The following PTER variants were observed in gnomAD, a reference collection of about 807,000 sequenced individuals.
PTER encodes phosphotriesterase related, also known as N-acetyltaurine hydrolase.
PTER carries 38 observed loss-of-function variants against 29.6 expected under a neutral mutation model. That is an observed-to-expected ratio of 1.28 (90% CI 0.99 to 1.68). The LOEUF (loss-of-function observed/expected upper bound fraction) is 1.68. Among genes scored for constraint, PTER ranks in the 40% most tolerant of loss-of-function variants. PTER has a pLI of 0.00. For synonymous variants in PTER, 172 were observed against 154.5 expected (o/e 1.11, Z -0.84); for missense variants, 482 against 427.8 (o/e 1.13, Z -1.12).
intron 1 of PTER, among the ~76,000 whole-genome samples, chr10:16,463,167 T>A (rs1588596413): frequency 7.9e-6 from 1 of 126,542 alleles, no homozygotes; most frequent in Non-Finnish European, 1.6e-5. Flanking sequence ...CACTCCATAC[T>A]CCAGCCTGGG....
chr10:16,467,092 A>G (rs1382345639), intron 1 of PTER, among the ~76,000 whole-genome samples: 2 of 152,080 alleles, frequency 1.3e-5, no homozygotes, highest in Admixed American at 6.6e-5. Context: ...CTCTTACACT[A>G]CTGTCCCCTT....
chr10:16,493,835 A>G (rs1479429805), intron 3 of PTER, among the ~76,000 whole-genome samples: 2 of 151,902 alleles, frequency 1.3e-5, no homozygotes, highest in Admixed American at 6.6e-5. Context: ...ATAGTGCCAA[A>G]TAAAATGCAA....
intron 4 of PTER, among the ~76,000 whole-genome samples, chr10:16,507,905 G>A (rs1836639807): frequency 6.6e-6 from 1 of 152,152 alleles, no homozygotes; most frequent in Non-Finnish European, 1.5e-5. Flanking sequence ...TAAAGCCCTA[G>A]TAGTTAGTTT....
intron 3 of PTER, among the ~76,000 whole-genome samples, chr10:16,503,821 C>T (rs1183158057): frequency 2.0e-5 from 3 of 152,122 alleles, no homozygotes; most frequent in South Asian, 2.1e-4. Context: ...ATTGAGCCAC[C>T]GCACCCTGCC....
At chr10:16,454,990 G>T (rs1411363831) in intron 1 of PTER, among the ~76,000 whole-genome samples, 1 of 151,872 alleles carries the variant, frequency 6.6e-6, no homozygotes, top group Non-Finnish European at 1.5e-5. Context: ...GCACTTTGAG[G>T]AGCTGAGGAA....
chr10:16,494,714 C>T lies in PTER; in HGVS notation c.698+8097C>T, dbSNP rs866898244. Among the ~76,000 whole-genome samples, 20 of 152,288 alleles carry T rather than the reference C, an allele frequency of 1.3e-4. No homozygotes were observed. In the South Asian group the frequency reaches 1.9e-3, roughly 14 times the overall value. Reference sequence around the variant, plus strand: ...AAGTAGCAAATTACATATTTTTAATCATAGGCAATATTTAGACCACACATT... The same window carrying T: ...AAGTAGCAAATTACATATTTTTAATTATAGGCAATATTTAGACCACACATT... On this transcript the variant is annotated intron_variant, in intron 3 of 4. Coordinates refer to ENST00000535784, the MANE Select transcript of PTER (RefSeq NM_001261836.2).
intron 3 of PTER, among the ~76,000 whole-genome samples, chr10:16,503,369 G>A (rs1039073995): frequency 8.6e-5 from 13 of 151,864 alleles, no homozygotes; most frequent in Admixed American, 8.5e-4. Context: ...TGGGATTACA[G>A]GTGCCTGCCA....
chr10:16,439,718 A>G (rs1392174414), intron 1 of PTER, among the ~76,000 whole-genome samples: 1 of 152,108 alleles, frequency 6.6e-6, no homozygotes, highest in African/African-American at 2.4e-5. Context: ...TCTTTTTAAA[A>G]TATTTATTAG....
chr10:16,472,442 A>C (rs1260854381), intron 1 of PTER, among the ~76,000 whole-genome samples: 1 of 152,028 alleles, frequency 6.6e-6, no homozygotes, highest in Non-Finnish European at 1.5e-5. Flanking sequence ...GTAATGAATA[A>C]ATCTCATGAG....
rs376530733 is a variant in PTER, at chr10:16,505,071, C to T, written c.750C>T (p.Tyr250=). 4 of 1,613,884 alleles carry T rather than the reference C, an allele frequency of 2.5e-6. No homozygotes were observed. The East Asian group carries it at 8.9e-5, about 36-fold the overall frequency. ...ELLEFAQLGC[Y]LEYDLFGTEL... ...TGGAGTTTGCTCAACTTGGCTGCTA[C>T]TTGGAATATGATCTCTTTGGTACTG... Residue 250 remains tyrosine (Y), a synonymous_variant, in exon 4 of 5, where the codon TAC becomes TAT. Transcript: ENST00000535784.
intron 1 of PTER, among the ~76,000 whole-genome samples, chr10:16,451,530 T>A (rs1322686813): frequency 6.6e-6 from 1 of 152,196 alleles, no homozygotes; most frequent in African/African-American, 2.4e-5. Flanking sequence ...CCAACATTAC[T>A]AAACCCTGTC....
intron 1 of PTER, among the ~76,000 whole-genome samples, chr10:16,481,860 T>C (rs1306142523): frequency 6.6e-6 from 1 of 152,132 alleles, no homozygotes; most frequent in Non-Finnish European, 1.5e-5. Flanking sequence ...AATTAACCCA[T>C]ATGGAAGCTT....
intron 1 of PTER, among the ~76,000 whole-genome samples, chr10:16,444,760 A>T (rs994238696): frequency 6.6e-6 from 1 of 152,158 alleles, no homozygotes; most frequent in Non-Finnish European, 1.5e-5. Flanking sequence ...GTTTGACATT[A>T]TCTGTCCATA....
At chr10:16,518,937 G>C in the PTER span, among the ~76,000 whole-genome samples, 1 of 151,830 alleles carries the variant, frequency 6.6e-6, no homozygotes, top group African/African-American at 2.4e-5. Context: ...GCCTATAACT[G>C]TTTTACTGTT....
chr10:16,497,355 A>G (rs1439354493), intron 3 of PTER, among the ~76,000 whole-genome samples: 1 of 147,714 alleles, frequency 6.8e-6, no homozygotes, highest in African/African-American at 2.5e-5. Flanking sequence ...CTTCGTTCGC[A>G]ATACTGTGTA....
intron 1 of PTER, among the ~76,000 whole-genome samples, chr10:16,479,070 A>T (rs1835383790): frequency 6.6e-6 from 1 of 152,024 alleles, no homozygotes; most frequent in Non-Finnish European, 1.5e-5. Context: ...TTTTCTTCTT[A>T]CATTCTTAGT....
intron 1 of PTER, among the ~76,000 whole-genome samples, chr10:16,482,046 C>T (rs983362018): frequency 2.0e-5 from 3 of 152,146 alleles, no homozygotes; most frequent in Admixed American, 2.0e-4. Context: ...AGAGACACTG[C>T]CTGCTTTTCT....
At chr10:16,497,867 TG>T (rs1836172798) in intron 3 of PTER, among the ~76,000 whole-genome samples, 1 of 152,132 alleles carries the variant, frequency 6.6e-6, no homozygotes, top group Non-Finnish European at 1.5e-5. Context: ...CTTAAGAAAC[TG>T]GGTATATGAT....
chr10:16,481,567 G>T (rs899838074), intron 1 of PTER, among the ~76,000 whole-genome samples: 106 of 152,274 alleles, frequency 7.0e-4, no homozygotes, highest in African/African-American at 2.3e-3. Context: ...AGGTTACATT[G>T]TGTGTGATCA....
Sources: gnomAD v4.1 joint callset for allele counts (sites outside exome capture counted in the v4.1 genomes callset) on GRCh38, gnomAD v4.1.1 for gene constraint, MANE v1.5 for transcripts, NCBI Gene and HGNC (gene_info 2026-07-23, HGNC 2026-07-21) for gene names.